The following NSUN4 variants were observed in gnomAD, a reference collection of about 807,000 sequenced individuals.
The protein encoded by NSUN4 is 5-cytosine rRNA methyltransferase NSUN4.
A neutral mutation model predicts 43.8 loss-of-function variants in NSUN4; 31 were observed. That is an observed-to-expected ratio of 0.71 (90% confidence interval 0.53 to 0.96). NSUN4 has a LOEUF of 0.96. Ranked by LOEUF, NSUN4 falls within the 40% of genes least tolerant of loss-of-function variation. The probability of loss-of-function intolerance (pLI) is 0.00; values close to 1 mark genes in which losing one functional copy is unlikely to be tolerated. For missense variants in NSUN4, 439 were observed against 475.6 expected (o/e 0.92, Z 0.72); for synonymous variants, 167 against 184.1 (o/e 0.91, Z 0.75).
intron 3 of NSUN4, among the ~76,000 whole-genome samples, chr1:46,352,278 G>A (rs147712895): frequency 1.3e-5 from 2 of 151,496 alleles, no homozygotes; most frequent in African/African-American, 4.8e-5. Context: ...ATGGTGAAAT[G>A]CTGTCTCTAC....
the NSUN4 span, among the ~76,000 whole-genome samples, chr1:46,383,835 G>A: frequency 6.6e-6 from 1 of 151,934 alleles, no homozygotes; most frequent in African/African-American, 2.4e-5. Context: ...TTTCTTCTCA[G>A]CAAGGCAATT....
chr1:46,384,569 G>A, the NSUN4 span, among the ~76,000 whole-genome samples: 221 of 152,280 alleles, frequency 1.5e-3, 1 homozygote, highest in Middle Eastern at 6.8e-3. Flanking sequence ...TTACCCCTGA[G>A]TTGTTGGCTA....
At chr1:46,349,397 C>G (rs974018719) in intron 3 of NSUN4, among the ~76,000 whole-genome samples, 1 of 152,156 alleles carries the variant, frequency 6.6e-6, no homozygotes, top group Non-Finnish European at 1.5e-5. Context: ...ACCTTGGCCT[C>G]CCAAAGTGCT....
chr1:46,359,120 C>T (rs1245414724), intron 4 of NSUN4, among the ~76,000 whole-genome samples: 9 of 151,954 alleles, frequency 5.9e-5, no homozygotes, highest in African/African-American at 1.4e-4. Context: ...ATTAGCTGAG[C>T]GTGGTATTGT....
chr1:46,343,471 G>T (rs992992296), intron 1 of NSUN4: 6 of 399,470 alleles, frequency 1.5e-5, no homozygotes, highest in African/African-American at 1.2e-4. Context: ...AAGGATTCCA[G>T]CTGTAGCACC....
chr1:46,372,143 GT>G, the NSUN4 span, among the ~76,000 whole-genome samples: 903 of 136,660 alleles, frequency 6.6e-3, 10 homozygotes, highest in African/African-American at 0.022. Context: ...CCTTTTTACT[GT>G]TTTTTTTTTT....
the NSUN4 span, among the ~76,000 whole-genome samples, chr1:46,384,750 T>A: frequency 7.2e-5 from 11 of 152,254 alleles, no homozygotes; most frequent in South Asian, 2.3e-3. Context: ...TTCCGCTGTA[T>A]CAAAAGCAGT....
In NSUN4 at chr1:46,364,205, G is replaced by C. The variant is rs2148425778; in HGVS notation, c.*2359G>C. On this transcript the variant is annotated 3_prime_UTR_variant, in exon 6 of 6. Transcript: ENST00000474844. The stretch of plus-strand genomic sequence containing the variant: ...TGTGCCTGTGGTCCCAGCTACTCAG[G>C]AGGCTGAGGCAGGAGGATCACTTGA... The C allele has an allele frequency of 6.6e-6, 1 of 151,714 alleles. No homozygotes were observed. Among genetic ancestry groups the C allele is most frequent in the East Asian group, 1.9e-4 (1 of 5,142 alleles). The allele number at this position is 151,714 out of a possible 1,614,324, so 9.4% of individuals were successfully genotyped here.
At position 46,356,650 on chromosome 1, in the gene NSUN4, G is replaced by A. The variant is rs146412653; in HGVS notation, c.753+3622G>A. ...AGAGCCTGCAGTGAGCCGAGATCGC[G>A]CCACTGCACTCCAGCCTGGGAGACA... is the stretch of plus-strand genomic sequence containing the variant. On this transcript the variant is annotated intron_variant, in intron 4 of 5. Coordinates refer to ENST00000474844, the MANE Select transcript of NSUN4 (RefSeq NM_199044.4). Among the ~76,000 whole-genome samples the A allele has an allele frequency of 1.2e-3, 185 of 151,790 alleles. 3 individuals carry two copies. The East Asian group carries it at 0.034, about 28-fold the overall frequency.
chr1:46,380,481 G>T, the NSUN4 span, among the ~76,000 whole-genome samples: 1 of 152,184 alleles, frequency 6.6e-6, no homozygotes, highest in Non-Finnish European at 1.5e-5. Flanking sequence ...TTAGCTTCCA[G>T]CTTGCCTCTC....
chr1:46,370,365 A>G, the NSUN4 span, among the ~76,000 whole-genome samples: 2 of 152,300 alleles, frequency 1.3e-5, no homozygotes, highest in African/African-American at 4.8e-5. Flanking sequence ...CACAACCATG[A>G]ATCATTAGTG....
At chr1:46,358,245 A>G (rs6674538) in intron 4 of NSUN4, among the ~76,000 whole-genome samples, 33,781 of 150,228 alleles carry the variant, frequency 0.22, 4,219 homozygotes, top group Non-Finnish European at 0.29. Context: ...ACAGGTGCCC[A>G]CCACTGTGCC....
chr1:46,360,264 ATATATATATATATG>A (rs1192883542), intron 4 of NSUN4, among the ~76,000 whole-genome samples: 2 of 107,480 alleles, frequency 1.9e-5, no homozygotes, highest in African/African-American at 3.6e-5. Flanking sequence ...ATATATATAT[ATATATATATATATG>A]TAAATTAGTC....
downstream of NSUN4, among the ~76,000 whole-genome samples, chr1:46,369,386 G>A (rs566092181): frequency 6.6e-6 from 1 of 152,286 alleles, no homozygotes; most frequent in South Asian, 2.1e-4. Flanking sequence ...AACTGTAGAC[G>A]CTAGAGTGGT....
At position 46,344,672 on chromosome 1, in the gene NSUN4, G is replaced by A. The variant is rs1046682174; in HGVS notation, c.94-129G>A. The A allele has an allele frequency of 4.0e-6, 3 of 746,922 alleles. No individual in the cohort carries two copies. In the East Asian group the frequency reaches 7.5e-5, roughly 19 times the overall value. The allele number at this position is 746,922 out of a possible 1,614,324, so 46.3% of individuals were successfully genotyped here. A position where few individuals can be genotyped will look rare whatever the true frequency, so the allele number is the denominator to read the frequency against. On this transcript the variant is annotated intron_variant, in intron 1 of 5. Coordinates refer to ENST00000474844, the MANE Select transcript of NSUN4 (RefSeq NM_199044.4). ...CCTCTCACACTTCTCTGGCAGGCAG[G>A]CAGGATGCAAAAGCAGGAGTGGGCA...
intron 1 of NSUN4, chr1:46,344,307 C>T (rs639946): frequency 4.7e-4 from 75 of 159,892 alleles, no homozygotes; most frequent in Non-Finnish European, 9.1e-4. Flanking sequence ...AAGTTACCCA[C>T]ATCTCTTCAT....
chr1:46,380,685 G>C, the NSUN4 span, among the ~76,000 whole-genome samples: 1 of 152,148 alleles, frequency 6.6e-6, no homozygotes, highest in African/African-American at 2.4e-5. Context: ...CCATTTTACA[G>C]ATAAGGAAAC....
chr1:46,342,372 A>G (rs1194843058), intron 1 of NSUN4: 6 of 398,954 alleles, frequency 1.5e-5, no homozygotes, highest in Non-Finnish European at 8.8e-6. Context: ...TGGCTCTCCC[A>G]GCTCACCTCA....
At chr1:46,377,058 T>C in the NSUN4 span, among the ~76,000 whole-genome samples, 1 of 150,104 alleles carries the variant, frequency 6.7e-6, no homozygotes, top group African/African-American at 2.4e-5. Context: ...GCACCGGCCT[T>C]TTTTTTTTCA....
Sources: gnomAD v4.1 joint callset for allele counts (sites outside exome capture counted in the v4.1 genomes callset) on GRCh38, gnomAD v4.1.1 for gene constraint, MANE v1.5 for transcripts, NCBI Gene and HGNC (gene_info 2026-07-23, HGNC 2026-07-21) for gene names.